IMMP2L: variants seen among roughly 807,000 people sequenced by gnomAD.
The protein encoded by IMMP2L is mitochondrial inner membrane protease subunit 2.
In IMMP2L, 18 loss-of-function variants were observed where a neutral mutation model predicts 19.3. That is an observed-to-expected ratio of 0.93 (90% confidence interval 0.64 to 1.38). The LOEUF is 1.38. IMMP2L is among the 40% of genes most tolerant of loss of function. IMMP2L has a pLI of 0.00. For synonymous variants in IMMP2L, 76 were observed against 73.0 expected (o/e 1.04, Z -0.21); for missense variants, 233 against 218.2 (o/e 1.07, Z -0.43).
At chr7:110,937,625 T>C (rs919636826) in intron 4 of IMMP2L, among the ~76,000 whole-genome samples, 1 of 152,168 alleles carries the variant, frequency 6.6e-6, no homozygotes, top group Non-Finnish European at 1.5e-5. Context: ...TCAACCCCCA[T>C]ACAACTGGGA....
At chr7:111,396,721 T>C (rs1832903321) in intron 3 of IMMP2L, among the ~76,000 whole-genome samples, 1 of 152,150 alleles carries the variant, frequency 6.6e-6, no homozygotes, top group African/African-American at 2.4e-5. Context: ...ATATATACAA[T>C]ACTATCATAA....
intron 3 of IMMP2L, among the ~76,000 whole-genome samples, chr7:111,285,510 A>G (rs1320964485): frequency 1.3e-5 from 2 of 152,152 alleles, no homozygotes; most frequent in African/African-American, 4.8e-5. Flanking sequence ...ACTAGCTTAA[A>G]GGGGAATCAT....
chr7:111,544,772 A>C (rs2133014140), intron 1 of IMMP2L, among the ~76,000 whole-genome samples: 1 of 152,190 alleles, frequency 6.6e-6, no homozygotes, highest in South Asian at 2.1e-4. Context: ...AACATGTATA[A>C]AAATAATGTA....
At chr7:111,441,146 C>T (rs1837671338) in intron 3 of IMMP2L, among the ~76,000 whole-genome samples, 1 of 151,880 alleles carries the variant, frequency 6.6e-6, no homozygotes, top group Admixed American at 6.6e-5. Flanking sequence ...TTCACTTTCT[C>T]ATCATCCATT....
intron 3 of IMMP2L, among the ~76,000 whole-genome samples, chr7:111,058,928 GT>G (rs369213637): frequency 6.6e-6 from 1 of 151,936 alleles, no homozygotes; most frequent in Non-Finnish European, 1.5e-5. Flanking sequence ...TTATCACTGT[GT>G]TTTTTCCTTC....
chr7:110,856,688 C>T (rs1806814108), intron 5 of IMMP2L, among the ~76,000 whole-genome samples: 1 of 151,972 alleles, frequency 6.6e-6, no homozygotes, highest in South Asian at 2.1e-4. Flanking sequence ...TGTTACAAAA[C>T]CAATAGTTAT....
At chr7:111,461,385 T>C (rs1352263259) in intron 3 of IMMP2L, among the ~76,000 whole-genome samples, 2 of 151,890 alleles carry the variant, frequency 1.3e-5, no homozygotes, top group East Asian at 1.9e-4. Flanking sequence ...AAAAAAATCA[T>C]CCTGAAATAC....
intron 3 of IMMP2L, among the ~76,000 whole-genome samples, chr7:111,130,960 G>A (rs1274393976): frequency 1.3e-5 from 2 of 151,728 alleles, no homozygotes; most frequent in Non-Finnish European, 2.9e-5. Flanking sequence ...ATTAATCAAT[G>A]AAACAAAATT....
At chr7:110,974,599 T>A (rs908554917) in intron 3 of IMMP2L, among the ~76,000 whole-genome samples, 2 of 152,122 alleles carry the variant, frequency 1.3e-5, no homozygotes, top group African/African-American at 4.8e-5. Flanking sequence ...CCACCCTTTA[T>A]CAGTTCTTTC....
intron 3 of IMMP2L, among the ~76,000 whole-genome samples, chr7:111,013,110 A>T (rs1481823070): frequency 6.6e-6 from 1 of 151,990 alleles, no homozygotes; most frequent in Non-Finnish European, 1.5e-5. Context: ...GCCTTAGAAG[A>T]CCCCTAGATA....
At chr7:111,107,064 G>C (rs1182152141) in intron 3 of IMMP2L, among the ~76,000 whole-genome samples, 1 of 151,922 alleles carries the variant, frequency 6.6e-6, no homozygotes, top group East Asian at 1.9e-4. Flanking sequence ...AGACAGTTAA[G>C]CTGCAATGTG....
At chr7:111,194,843 C>G (rs1048743717) in intron 3 of IMMP2L, among the ~76,000 whole-genome samples, 1 of 152,080 alleles carries the variant, frequency 6.6e-6, no homozygotes, top group African/African-American at 2.4e-5. Context: ...TAGCTCTACC[C>G]AGTATCAACT....
intron 3 of IMMP2L, among the ~76,000 whole-genome samples, chr7:111,261,204 CT>C (rs1180106743): frequency 6.6e-6 from 1 of 152,062 alleles, no homozygotes; most frequent in African/African-American, 2.4e-5. Context: ...ATGAACAAGT[CT>C]CCTGAAAGTT....
At chr7:110,889,712 C>A (rs1359219625) in intron 4 of IMMP2L, among the ~76,000 whole-genome samples, 1 of 152,186 alleles carries the variant, frequency 6.6e-6, no homozygotes, top group Non-Finnish European at 1.5e-5. Flanking sequence ...GATTGTTATA[C>A]AACATAGTCT....
chr7:111,048,773 T>A lies in IMMP2L; in HGVS notation c.240-85208A>T, dbSNP rs1368151495. Among the ~76,000 whole-genome samples, 6 of 152,274 alleles carry A rather than the reference T, an allele frequency of 3.9e-5. No individual in the cohort carries two copies. In the East Asian group the frequency reaches 7.7e-4, roughly 20 times the overall value. On this transcript the variant is annotated intron_variant, in intron 3 of 5. Transcript: ENST00000405709. ...AAGACAACTTGGTCAGAGCAGGATATTAGGAAGAAGTGACCATAAATAAAT... is the reference window on the plus strand; with the variant it reads ...AAGACAACTTGGTCAGAGCAGGATAATAGGAAGAAGTGACCATAAATAAAT...
At chr7:111,452,701 G>A (rs554423575) in intron 3 of IMMP2L, among the ~76,000 whole-genome samples, 1 of 151,982 alleles carries the variant, frequency 6.6e-6, no homozygotes, top group African/African-American at 2.4e-5. Flanking sequence ...CTCTGAAGTC[G>A]CAAGGTAGAG....
At chr7:110,973,832 C>G (rs1820409662) in intron 3 of IMMP2L, among the ~76,000 whole-genome samples, 2 of 152,100 alleles carry the variant, frequency 1.3e-5, no homozygotes, top group Admixed American at 6.6e-5. Context: ...TGTTGATGCT[C>G]TTTGTGAGTT....
chr7:110,704,594 G>A (rs960625573), intron 5 of IMMP2L, among the ~76,000 whole-genome samples: 1 of 152,190 alleles, frequency 6.6e-6, no homozygotes, highest in African/African-American at 2.4e-5. Context: ...TAGACTGCAT[G>A]GTAAGCTATT....
chr7:110,813,453 G>A (rs1371212250), intron 5 of IMMP2L, among the ~76,000 whole-genome samples: 2 of 150,264 alleles, frequency 1.3e-5, no homozygotes, highest in Middle Eastern at 3.2e-3. Context: ...TTTGAGACAG[G>A]GTCTTGCTCT....
Sources: allele counts gnomAD v4.1 joint callset (sites outside exome capture counted in the v4.1 genomes callset), GRCh38; gene constraint gnomAD v4.1.1; transcripts MANE v1.5; gene names NCBI Gene and HGNC (gene_info 2026-07-23, HGNC 2026-07-21).